The following FNIP1 variants were observed in gnomAD, a reference collection of about 807,000 sequenced individuals.
FNIP1 encodes folliculin-interacting protein 1.
Under a neutral mutation model 124.5 loss-of-function variants are expected in FNIP1, and 40 were observed. The observed-to-expected ratio is 0.32, with a 90% confidence interval of 0.25 to 0.42. The LOEUF is 0.42. FNIP1 is among the 10% of genes least tolerant of loss of function. The pLI is 1.00. For missense variants in FNIP1, 1,176 were observed against 1,403.7 expected, an observed-to-expected ratio of 0.84 and a Z score of 2.59; for synonymous variants, 472 against 470.6, an observed-to-expected ratio of 1.00 and a Z score of -0.04.
chr5:131,724,847 G>C (rs965217156), intron 3 of FNIP1, among the ~76,000 whole-genome samples: 2 of 152,204 alleles, frequency 1.3e-5, no homozygotes, highest in African/African-American at 4.8e-5. Context: ...TTACGTTTAA[G>C]TCTTTAATCC....
At chr5:131,746,550 A>C (rs999333470) in intron 1 of FNIP1, among the ~76,000 whole-genome samples, 1 of 152,156 alleles carries the variant, frequency 6.6e-6, no homozygotes, top group Non-Finnish European at 1.5e-5. Flanking sequence ...TCCTGCATTA[A>C]TTCACTCAGG....
chr5:131,757,317 A>AC (rs1771081212), intron 1 of FNIP1, among the ~76,000 whole-genome samples: 1 of 152,202 alleles, frequency 6.6e-6, no homozygotes, highest in Non-Finnish European at 1.5e-5. Flanking sequence ...GGAAGGCCAA[A>AC]ATGTTAGATG....
At chr5:131,716,359 C>T (rs1384862911) in intron 6 of FNIP1, among the ~76,000 whole-genome samples, 1 of 152,036 alleles carries the variant, frequency 6.6e-6, no homozygotes, top group African/African-American at 2.4e-5. Context: ...TTATCAGATA[C>T]AAAATAAATA....
chr5:131,722,515 A>C (rs972891100), intron 3 of FNIP1, among the ~76,000 whole-genome samples: 2 of 152,142 alleles, frequency 1.3e-5, no homozygotes, highest in Admixed American at 6.5e-5. Flanking sequence ...ACAGCTGCAC[A>C]CTGTTTTTCG....
chr5:131,789,718 A>AT (rs1197910116), intron 1 of FNIP1, among the ~76,000 whole-genome samples: 1 of 152,090 alleles, frequency 6.6e-6, no homozygotes, highest in Non-Finnish European at 1.5e-5. Flanking sequence ...TCACTCTATC[A>AT]TTTTTTAAAC....
chr5:131,793,259 C>T (rs1005269539), intron 1 of FNIP1, among the ~76,000 whole-genome samples: 2 of 152,078 alleles, frequency 1.3e-5, no homozygotes, highest in African/African-American at 4.8e-5. Context: ...GTCTTGAACT[C>T]CTGGGCTCAA....
rs905260393 is a variant in FNIP1 at position 131,644,607 on chromosome 5, T to C, written c.*78A>G. 5 of 1,236,032 alleles carry C rather than the reference T, an allele frequency of 4.0e-6. No homozygotes were observed. The highest frequency in any genetic ancestry group is 4.7e-6 in the Non-Finnish European group (4 of 844,978). The allele number at this position is 1,236,032 out of a possible 1,614,324, so 76.6% of individuals were successfully genotyped here. ...ATGGAAGTCTAAAAGGGAAAAAGAA[T>C]CTCCATAAATGCATGTTGTGTCTGC... On this transcript the variant is annotated 3_prime_UTR_variant, in exon 18 of 18. Transcript: ENST00000510461.
At position 131,734,937 on chromosome 5, in the gene FNIP1, G is replaced by C. The variant is rs371445593; in HGVS notation, c.220-3899C>G. On this transcript the variant is annotated intron_variant, in intron 2 of 17. Coordinates refer to ENST00000510461, the MANE Select transcript of FNIP1 (RefSeq NM_133372.3). ...GGATCTACAACTAGAAATACCATTT[G>C]ACCTAGCAATCCCATTACTGGGTAT... Among the ~76,000 whole-genome samples the C allele has an allele frequency of 1.8e-4, 28 of 152,282 alleles. 1 individual carries two copies. The East Asian group carries it at 5.0e-3, about 27-fold the overall frequency.
chr5:131,691,228 A>G (rs1281093144), intron 11 of FNIP1, among the ~76,000 whole-genome samples: 1 of 152,246 alleles, frequency 6.6e-6, no homozygotes, highest in African/African-American at 2.4e-5. Flanking sequence ...TTGGAGATTG[A>G]AAACATGCAT....
At chr5:131,647,350 T>C (rs1766916067) in intron 16 of FNIP1, 145 bp from the exon 17 acceptor site, 2 of 587,336 alleles carry the variant, frequency 3.4e-6, no homozygotes, top group South Asian at 4.6e-5. Context: ...TTAAAGTATG[T>C]AGTTTTAGCT....
intron 13 of FNIP1, among the ~76,000 whole-genome samples, chr5:131,675,518 A>G (rs1303968124): frequency 6.6e-6 from 1 of 152,228 alleles, no homozygotes; most frequent in Non-Finnish European, 1.5e-5. Context: ...AGGTCCATGC[A>G]ATGGAATACT....
chr5:131,705,733 T>C, intron 9 of FNIP1, among the ~76,000 whole-genome samples: 1 of 152,026 alleles, frequency 6.6e-6, no homozygotes, highest in East Asian at 1.9e-4. Flanking sequence ...ATCCAGCAAT[T>C]CCACTTCTGG....
chr5:131,788,766 C>T (rs1273715487), intron 1 of FNIP1, among the ~76,000 whole-genome samples: 1 of 148,898 alleles, frequency 6.7e-6, no homozygotes, highest in South Asian at 2.1e-4. Flanking sequence ...GTATTTTTCT[C>T]TTTTTTTCAA....
At chr5:131,728,070 T>TTG (rs1215297545) in intron 3 of FNIP1, among the ~76,000 whole-genome samples, 2 of 152,218 alleles carry the variant, frequency 1.3e-5, no homozygotes, top group Non-Finnish European at 2.9e-5. Context: ...GGACTTTCCT[T>TTG]TGTGTATAAC....
chr5:131,670,687 G>GA, intron 14 of FNIP1, 56 bp from the exon 15 acceptor site: 2 of 1,164,640 alleles, frequency 1.7e-6, no homozygotes, highest in Non-Finnish European at 2.3e-6. Context: ...TATTTAACCA[G>GA]TAAAAAAAAA....
chr5:131,785,380 C>A (rs1386441059), intron 1 of FNIP1, among the ~76,000 whole-genome samples: 3 of 151,368 alleles, frequency 2.0e-5, no homozygotes, highest in African/African-American at 7.3e-5. Context: ...CATGGTGAAA[C>A]CCCGCCGCTA....
At chr5:131,694,527 A>G (rs1475777110) in intron 11 of FNIP1, among the ~76,000 whole-genome samples, 1 of 152,182 alleles carries the variant, frequency 6.6e-6, no homozygotes, top group Non-Finnish European at 1.5e-5. Flanking sequence ...AGCATACAAC[A>G]TTCTGGAATT....
chr5:131,679,999 T>C lies in FNIP1; in HGVS notation c.1203-824A>G, dbSNP rs151294865. 1.9e-3 allele frequency among the ~76,000 whole-genome samples: 291 copies of C among 152,366 alleles called. 1 individual carries two copies. Among genetic ancestry groups the C allele is most frequent in the African/African-American group, 6.7e-3 (279 of 41,582 alleles). On this transcript the variant is annotated intron_variant, in intron 11 of 17. Coordinates refer to ENST00000510461, the MANE Select transcript of FNIP1 (RefSeq NM_133372.3). ...GGAGAACTACAGAATGGTGTCCTAC[T>C]TTCTACTTTTTAAAACAATGCTGTC...
chr5:131,785,101 C>A (rs1772143052), intron 1 of FNIP1, among the ~76,000 whole-genome samples: 2 of 17,984 alleles, frequency 1.1e-4, no homozygotes, highest in African/African-American at 1.5e-4. Flanking sequence ...ATATATATGA[C>A]TATATATATA....
Sources: gnomAD v4.1 joint callset for allele counts (sites outside exome capture counted in the v4.1 genomes callset) on GRCh38, gnomAD v4.1.1 for gene constraint, MANE v1.5 for transcripts, NCBI Gene and HGNC (gene_info 2026-07-23, HGNC 2026-07-21) for gene names.